Variants in ANO2 observed in about 807,000 individuals in gnomAD.
The protein encoded by ANO2 is anoctamin-2.
In ANO2, 101 loss-of-function variants were observed where a neutral mutation model predicts 124.2. That is an observed-to-expected ratio of 0.81 (90% CI 0.69 to 0.96). The LOEUF (loss-of-function observed/expected upper bound fraction) is 0.96. Ranked by LOEUF, ANO2 falls within the 40% of genes least tolerant of loss-of-function variation. ANO2 has a pLI of 0.00. For missense variants in ANO2, 1,293 were observed against 1,274.5 expected (o/e 1.01, Z -0.22); for synonymous variants, 486 against 482.5 (o/e 1.01, Z -0.09).
chr12:5,883,518 TG>T (rs1938660298), intron 3 of ANO2, among the ~76,000 whole-genome samples: 1 of 151,590 alleles, frequency 6.6e-6, no homozygotes, highest in Non-Finnish European at 1.5e-5. Flanking sequence ...TGTGTGTGTG[TG>T]TGTGTGTGTG....
chr12:5,740,150 G>C, intron 12 of ANO2: 2 of 361,928 alleles, frequency 5.5e-6, no homozygotes, highest in Non-Finnish European at 1.1e-5. Context: ...GCCATGGTTT[G>C]TTATACCAGG....
intron 20 of ANO2, among the ~76,000 whole-genome samples, chr12:5,587,254 G>C (rs1943161474): frequency 6.6e-6 from 1 of 152,196 alleles, no homozygotes; most frequent in Admixed American, 6.5e-5. Flanking sequence ...TGAGTATCAT[G>C]ACCCTGGGCC....
At chr12:5,934,629 G>GC (rs1257137505) in intron 1 of ANO2, among the ~76,000 whole-genome samples, 2 of 152,118 alleles carry the variant, frequency 1.3e-5, no homozygotes, top group African/African-American at 4.8e-5. Context: ...AGGTATAAAT[G>GC]CCCCTCCTTA....
At chr12:5,869,327 G>A (rs1159778532) in intron 3 of ANO2, among the ~76,000 whole-genome samples, 2 of 152,044 alleles carry the variant, frequency 1.3e-5, no homozygotes, top group Non-Finnish European at 2.9e-5. Context: ...TTTGACCATG[G>A]GCATCATTCC....
chr12:5,870,832 T>C (rs1411335886), intron 3 of ANO2, among the ~76,000 whole-genome samples: 3 of 152,228 alleles, frequency 2.0e-5, no homozygotes, highest in African/African-American at 7.2e-5. Context: ...CTTGCTATCC[T>C]AAACAAGGTG....
Position 5,750,917 on chromosome 12 carries a change from G to A in ANO2, c.1109C>T (p.Thr370Ile), listed in dbSNP as rs1056701596. 3 of 1,610,736 alleles carry A rather than the reference G, an allele frequency of 1.9e-6. No individual in the cohort carries two copies. Among genetic ancestry groups the A allele is most frequent in the Non-Finnish European group, 1.7e-6 (2 of 1,178,196 alleles). Reference sequence around the variant, plus strand: ...TACAGAAGATGGGATGAGGAATGATGTATATAATCCCAGCCAGGCAAAATA... The same window carrying A: ...TACAGAAGATGGGATGAGGAATGATATATATAATCCCAGCCAGGCAAAATA... ...GLYFAWLGLYTSFLIPSSVIG... is the reference protein window; with the variant it reads ...GLYFAWLGLYISFLIPSSVIG... The change falls in exon 11 of 25, where the codon ACA becomes ATA. Residue 370 changes from threonine (T) to isoleucine (I), a missense_variant. Physicochemically the swap from Thr to Ile is moderately conservative, Grantham distance 89 (BLOSUM62 -1). Transcript: ENST00000682330.
intron 16 of ANO2, among the ~76,000 whole-genome samples, chr12:5,619,371 T>C (rs376504563): frequency 1.6e-4 from 24 of 152,336 alleles, no homozygotes; most frequent in African/African-American, 5.8e-4. Context: ...TAAAAATTCA[T>C]CTATAGCAAG....
intron 4 of ANO2, among the ~76,000 whole-genome samples, chr12:5,853,299 G>A (rs1165227876): frequency 6.6e-6 from 1 of 150,786 alleles, no homozygotes; most frequent in Non-Finnish European, 1.5e-5. Flanking sequence ...ACCGTTCCTG[G>A]CCTCTGGGTA....
chr12:5,909,129 C>A (rs1940883913), intron 3 of ANO2, among the ~76,000 whole-genome samples: 1 of 152,150 alleles, frequency 6.6e-6, no homozygotes, highest in African/African-American at 2.4e-5. Flanking sequence ...CTTAATTCCA[C>A]CATTAAAACT....
rs148444234 is a variant in ANO2, at chr12:5,799,855, C to T, written c.991-284G>A. ...GTCTTGCCTAGTCCAGCAAAATGAG[C>T]CCTAATGTTCATGATTCACTCATTT... On this transcript the variant is annotated intron_variant, in intron 9 of 24. Transcript: ENST00000682330. Among the ~76,000 whole-genome samples, 7 of 152,296 alleles carry T rather than the reference C, an allele frequency of 4.6e-5. No homozygotes were observed. The East Asian group carries it at 1.3e-3, about 29-fold the overall frequency.
intron 3 of ANO2, among the ~76,000 whole-genome samples, chr12:5,909,039 T>C (rs1940876475): frequency 6.6e-6 from 1 of 152,194 alleles, no homozygotes; most frequent in Non-Finnish European, 1.5e-5. Flanking sequence ...CCCTGGAGAC[T>C]GGTGGGAGCT....
intron 20 of ANO2, among the ~76,000 whole-genome samples, chr12:5,582,448 C>G (rs1240014925): frequency 6.6e-6 from 1 of 152,116 alleles, no homozygotes; most frequent in Admixed American, 6.5e-5. Flanking sequence ...GTTAAAATAA[C>G]AAGGAAGAGT....
chr12:5,629,790 C>G lies in ANO2; in HGVS notation c.1816+5362G>C, dbSNP rs974203034. On this transcript the variant is annotated intron_variant, in intron 16 of 24. Transcript: ENST00000682330. The stretch of plus-strand genomic sequence containing the variant: ...CTCTGTACACTGTGTCTTGGCCAGC[C>G]AGGCTCCCTCTAGGACACAGCTCCA... 3.9e-5 allele frequency among the ~76,000 whole-genome samples: 6 copies of G among 152,182 alleles called. No homozygotes were observed. The South Asian group carries it at 1.0e-3, about 26-fold the overall frequency.
chr12:5,744,046 GA>G (rs1951186859), intron 12 of ANO2, 110 bp downstream of exon 12: 1 of 1,318,140 alleles, frequency 7.6e-7, no homozygotes, highest in African/African-American at 1.5e-5. Flanking sequence ...CTTGTGATGG[GA>G]AGAAAAAATG....
At chr12:5,578,054 C>A in intron 21 of ANO2, 47 bp from the exon 22 acceptor site, 1 of 1,585,836 alleles carries the variant, frequency 6.3e-7, no homozygotes, top group South Asian at 1.1e-5. Context: ...GCCCTCGGCC[C>A]AGTGATGACA....
At chr12:5,880,792 A>G (rs1406393698) in intron 3 of ANO2, among the ~76,000 whole-genome samples, 1 of 139,890 alleles carries the variant, frequency 7.1e-6, no homozygotes, top group Non-Finnish European at 1.5e-5. Flanking sequence ...GAAGAGATGG[A>G]TAGGTGGATG....
At chr12:5,721,151 G>A (rs1591989124) in intron 14 of ANO2, among the ~76,000 whole-genome samples, 1 of 152,308 alleles carries the variant, frequency 6.6e-6, no homozygotes, top group Non-Finnish European at 1.5e-5. Context: ...TTACAAGGGT[G>A]CCCATGATGA....
chr12:5,592,196 G>A (rs538997291), intron 20 of ANO2, among the ~76,000 whole-genome samples: 1 of 152,304 alleles, frequency 6.6e-6, no homozygotes, highest in South Asian at 2.1e-4. Context: ...AAGGACTTAT[G>A]AGGCCATTCA....
chr12:5,696,445 T>G (rs539066502), intron 14 of ANO2, among the ~76,000 whole-genome samples: 2 of 151,920 alleles, frequency 1.3e-5, no homozygotes, highest in East Asian at 1.9e-4. Context: ...AATGAAAACA[T>G]GAATATAACA....
Sources: gnomAD v4.1 joint callset for allele counts (sites outside exome capture counted in the v4.1 genomes callset) on GRCh38, gnomAD v4.1.1 for gene constraint, MANE v1.5 for transcripts, NCBI Gene and HGNC (gene_info 2026-07-23, HGNC 2026-07-21) for gene names.